Variants in PPM1E observed in about 807,000 individuals in gnomAD.
PPM1E encodes protein phosphatase 1E.
Under a neutral mutation model 65.9 loss-of-function variants are expected in PPM1E, and 20 were observed. The observed-to-expected ratio is 0.30, with a 90% CI of 0.21 to 0.44. The LOEUF (loss-of-function observed/expected upper bound fraction) is 0.44. PPM1E is among the 20% of genes least tolerant of loss of function. PPM1E has a pLI of 1.00. For synonymous variants in PPM1E, 352 were observed against 374.9 expected, an observed-to-expected ratio of 0.94 and a Z score of 0.70; for missense variants, 713 against 953.1, an observed-to-expected ratio of 0.75 and a Z score of 3.32.
intron 1 of PPM1E, among the ~76,000 whole-genome samples, chr17:58,883,483 C>CT (rs71143299): frequency 0.18 from 20,118 of 111,856 alleles, 2,574 homozygotes; most frequent in Non-Finnish European, 0.23. Context: ...GCTGCCTGTT[C>CT]TTTTTTTTTT....
chr17:58,980,978 A>C lies in PPM1E; in HGVS notation c.2215A>C (p.Lys739Gln). ...GYSENMRKLRKTHDIPCPDLP... is the reference protein window; with the variant it reads ...GYSENMRKLRQTHDIPCPDLP... Reference sequence around the variant, plus strand: ...CAGTGAAAACATGAGGAAGCTCAGAAAGACTCATGATATTCCATGCCCAGA... The same window carrying C: ...CAGTGAAAACATGAGGAAGCTCAGACAGACTCATGATATTCCATGCCCAGA... The change falls in exon 7 of 7, where the codon AAG (lysine) becomes CAG (glutamine). Residue 739 changes from lysine (K) to glutamine (Q), a missense_variant. This residue lies in a region of PPM1E where 286 missense variants were observed against 313.8 expected (regional missense o/e 0.91). Transcript: ENST00000308249. The surrounding 1 kb of genome is among the most constrained non-coding windows in gnomAD (Gnocchi z 4.7). 1 of 1,614,060 alleles carries C rather than the reference A, an allele frequency of 6.2e-7. No homozygotes were observed. The highest frequency in any genetic ancestry group is 2.2e-5 in the East Asian group (1 of 44,886).
intron 1 of PPM1E, among the ~76,000 whole-genome samples, chr17:58,945,389 C>T (rs778516924): frequency 2.6e-5 from 4 of 152,212 alleles, no homozygotes; most frequent in Non-Finnish European, 4.4e-5. Flanking sequence ...GTGATCGTCC[C>T]GCCTTGGCCT....
At chr17:58,930,250 T>TATATACAC (rs1555620517) in intron 1 of PPM1E, among the ~76,000 whole-genome samples, 1 of 143,306 alleles carries the variant, frequency 7.0e-6, no homozygotes, top group African/African-American at 2.6e-5. Context: ...TAAATGTATA[T>TATATACAC]ACACACACAC....
rs180943810 is a variant in PPM1E at position 58,866,951 on chromosome 17, A to G, written c.465-88698A>G. Among the ~76,000 whole-genome samples, 7 of 152,316 alleles carry G rather than the reference A, an allele frequency of 4.6e-5. No homozygotes were observed. The East Asian group carries it at 9.6e-4, about 21-fold the overall frequency. ...AACAGAAGTAGAAGGAAATGGATAAATAAATCTTAGAGGAGCCAAATTGGG... is the reference window on the plus strand; with the variant it reads ...AACAGAAGTAGAAGGAAATGGATAAGTAAATCTTAGAGGAGCCAAATTGGG... On this transcript the variant is annotated intron_variant, in intron 1 of 6. Transcript: ENST00000308249.
chr17:58,973,811 G>C (rs1276761686), intron 6 of PPM1E, among the ~76,000 whole-genome samples: 1 of 152,058 alleles, frequency 6.6e-6, no homozygotes, highest in East Asian at 1.9e-4. Flanking sequence ...AATTAGCTGG[G>C]TGTTGTGGCA....
chr17:58,949,064 C>G (rs1468410397), intron 1 of PPM1E, among the ~76,000 whole-genome samples: 1 of 152,156 alleles, frequency 6.6e-6, no homozygotes, highest in Non-Finnish European at 1.5e-5. Context: ...TGATTTTCTG[C>G]CTAGATGATT....
intron 2 of PPM1E, among the ~76,000 whole-genome samples, chr17:58,965,146 G>A (rs879553665): frequency 6.6e-6 from 1 of 151,912 alleles, no homozygotes; most frequent in Non-Finnish European, 1.5e-5. Context: ...GGATGTAAAG[G>A]AAGAAGTCAG....
intron 6 of PPM1E, among the ~76,000 whole-genome samples, chr17:58,979,554 G>A (rs6416931): frequency 0.98 from 148,885 of 152,346 alleles, 72,827 homozygotes; most frequent in East Asian, 1. Flanking sequence ...TTCAATGTGG[G>A]CTTGTTTTCA....
chr17:58,805,985 CAAAACAAAACA>C (rs1567838933), intron 1 of PPM1E, among the ~76,000 whole-genome samples: 2 of 77,478 alleles, frequency 2.6e-5, no homozygotes, highest in African/African-American at 1.2e-4. Context: ...AAAAAAAAAA[CAAAACAAAACA>C]AAACAAAAAA....
intron 1 of PPM1E, among the ~76,000 whole-genome samples, chr17:58,783,526 T>C (rs536199314): frequency 1.3e-5 from 2 of 152,258 alleles, no homozygotes; most frequent in East Asian, 1.9e-4. Flanking sequence ...TTTGAGAAAA[T>C]TGGCGTATGT....
At chr17:58,785,848 T>G (rs2050095622) in intron 1 of PPM1E, among the ~76,000 whole-genome samples, 2 of 151,978 alleles carry the variant, frequency 1.3e-5, no homozygotes, top group African/African-American at 4.8e-5. Context: ...TATCACACAC[T>G]GTGGCTATAA....
chr17:58,964,090 T>TC (rs1344043302), intron 2 of PPM1E, among the ~76,000 whole-genome samples: 1 of 152,016 alleles, frequency 6.6e-6, no homozygotes, highest in Non-Finnish European at 1.5e-5. Context: ...AAGTTGGGAG[T>TC]CCACGTCCCA....
chr17:58,772,205 T>C (rs931471798), intron 1 of PPM1E, among the ~76,000 whole-genome samples: 4 of 152,114 alleles, frequency 2.6e-5, no homozygotes, highest in Non-Finnish European at 1.5e-5. Context: ...ACGCCTGTAA[T>C]CTCAGCACTT....
rs192261669 is a variant in PPM1E, at chr17:58,970,676, C to T, written c.972+949C>T. Among the ~76,000 whole-genome samples the T allele has an allele frequency of 1.6e-4, 25 of 152,242 alleles. No individual in the cohort carries two copies. The East Asian group carries it at 4.8e-3, about 29-fold the overall frequency. On this transcript the variant is annotated intron_variant, in intron 4 of 6. Transcript: ENST00000308249. Reference sequence around the variant, plus strand: ...AGAATTATTCTTCATCTCTCCCCTCCCCTAAGTTTGGATTAATATGCAAAT... The same window carrying T: ...AGAATTATTCTTCATCTCTCCCCTCTCCTAAGTTTGGATTAATATGCAAAT...
Position 58,909,887 on chromosome 17 carries a change from T to TTTTC in PPM1E, c.465-45738_465-45735dup, listed in dbSNP as rs753479819. Among the ~76,000 whole-genome samples, 1,157 of 150,506 alleles carry TTTTC rather than the reference T, an allele frequency of 7.7e-3. 12 individuals carry two copies. The highest frequency in any genetic ancestry group is 0.024 in the African/African-American group (973 of 40,838). On this transcript the variant is annotated intron_variant, in intron 1 of 6. Coordinates refer to ENST00000308249, the MANE Select transcript of PPM1E (RefSeq NM_014906.5). ...TTACCTTGGGGAAATTCTTAGTCAT[T>TTTTC]TTTCTTTCTTTCTTTCTTTCTTTCT...
At chr17:58,915,367 G>A (rs890826763) in intron 1 of PPM1E, among the ~76,000 whole-genome samples, 2 of 152,328 alleles carry the variant, frequency 1.3e-5, no homozygotes, top group Admixed American at 6.5e-5. Context: ...AGGATGACCA[G>A]AGGTCGCTCT....
At chr17:58,923,040 C>T (rs1255448667) in intron 1 of PPM1E, among the ~76,000 whole-genome samples, 1 of 152,022 alleles carries the variant, frequency 6.6e-6, no homozygotes, top group Non-Finnish European at 1.5e-5. Context: ...AATTCCAAGA[C>T]TTTGGGATGC....
intron 3 of PPM1E, chr17:58,966,615 T>C (rs2030272583): frequency 6.0e-6 from 1 of 167,744 alleles, no homozygotes; most frequent in African/African-American, 2.4e-5. Flanking sequence ...TTATATTTCA[T>C]AAATCTCTGT....
rs1363605397 is a variant in PPM1E, at chr17:58,756,073, T to C, written c.76T>C (p.Cys26Arg). Residue 26 changes from cysteine (C) to arginine (R), a missense_variant, in exon 1 of 7, where the codon TGC (cysteine) becomes CGC (arginine). Around this residue, in one of 6 missense-constraint regions of PPM1E, gnomAD observed 212 missense variants for 204.0 expected, o/e 1.04. Coordinates refer to ENST00000308249, the MANE Select transcript of PPM1E (RefSeq NM_014906.5). Reference sequence around the variant, plus strand: ...ATTCCTGGGCGAGTTTCGCGGACCGTGCGGCGGCGGCGAGCCGGAGCCGGA... The same window carrying C: ...ATTCCTGGGCGAGTTTCGCGGACCGCGCGGCGGCGGCGAGCCGGAGCCGGA... Reference protein sequence around the residue: ...ELFLGEFRGPCGGGEPEPEPE... With the variant: ...ELFLGEFRGPRGGGEPEPEPE... 1.2e-6 allele frequency: 2 copies of C among 1,611,636 alleles called. No homozygotes were observed. Among genetic ancestry groups the C allele is most frequent in the Admixed American group, 1.7e-5 (1 of 59,846 alleles).
Sources: allele counts gnomAD v4.1 joint callset (sites outside exome capture counted in the v4.1 genomes callset), GRCh38; gene constraint gnomAD v4.1.1; regional missense constraint gnomAD v4.1.1; non-coding constraint Gnocchi (gnomAD v3.1); transcripts MANE v1.5; gene names NCBI Gene and HGNC (gene_info 2026-07-23, HGNC 2026-07-21).